The following LINGO2 variants were observed in gnomAD, a reference collection of about 807,000 sequenced individuals.
LINGO2 encodes leucine-rich repeat and immunoglobulin-like domain-containing nogo receptor-interacting protein 2.
In LINGO2, 14 loss-of-function variants were observed where a neutral mutation model predicts 30.6. That is an observed-to-expected ratio of 0.46 (90% CI 0.30 to 0.72). The LOEUF (loss-of-function observed/expected upper bound fraction) is 0.72, where lower values mean the gene tolerates loss of function less well. Among genes scored for constraint, LINGO2 ranks in the 30% least tolerant of loss-of-function variants. The pLI, the probability that LINGO2 is intolerant of heterozygous loss-of-function variation, is 0.07. For synonymous variants in LINGO2, 317 were observed against 288.5 expected (o/e 1.10, Z -1.00); for missense variants, 729 against 751.7 (o/e 0.97, Z 0.35).
chr9:27,945,283 A>G (rs1823321712), downstream of LINGO2, among the ~76,000 whole-genome samples: 1 of 152,170 alleles, frequency 6.6e-6, no homozygotes, highest in Admixed American at 6.6e-5. Context: ...GAGTAAAGTG[A>G]CAAAAGTCAG....
chr9:28,055,276 G>A (rs1824872648), intron 4 of LINGO2, among the ~76,000 whole-genome samples: 1 of 152,092 alleles, frequency 6.6e-6, no homozygotes, highest in Non-Finnish European at 1.5e-5. Flanking sequence ...TTTCCCTGTA[G>A]TTGCTTATAA....
chr9:28,324,950 G>A (rs534917915), intron 3 of LINGO2, among the ~76,000 whole-genome samples: 3 of 152,054 alleles, frequency 2.0e-5, no homozygotes, highest in Admixed American at 2.0e-4. Flanking sequence ...CCCCTTTCCA[G>A]TAACATAGTC....
chr9:28,338,059 A>T (rs772666615), intron 3 of LINGO2, among the ~76,000 whole-genome samples: 4 of 152,148 alleles, frequency 2.6e-5, no homozygotes, highest in Non-Finnish European at 4.4e-5. Flanking sequence ...ACAGAAACTC[A>T]ATGCCAGCCT....
chr9:28,282,137 T>C (rs1823349828), intron 4 of LINGO2, among the ~76,000 whole-genome samples: 1 of 152,134 alleles, frequency 6.6e-6, no homozygotes, highest in African/African-American at 2.4e-5. Flanking sequence ...TAAATGCAAT[T>C]ACGTTCTGAT....
chr9:27,952,193 T>G (rs1321768779), intron 5 of LINGO2, among the ~76,000 whole-genome samples: 3 of 152,054 alleles, frequency 2.0e-5, no homozygotes, highest in Non-Finnish European at 4.4e-5. Flanking sequence ...AAAATTTTCT[T>G]GTCTACACAA....
chr9:28,014,598 G>C (rs532936086), intron 4 of LINGO2, among the ~76,000 whole-genome samples: 1 of 152,220 alleles, frequency 6.6e-6, no homozygotes, highest in Admixed American at 6.5e-5. Context: ...TTAGTTCATA[G>C]TAACATTTTA....
the LINGO2 span, among the ~76,000 whole-genome samples, chr9:28,770,827 T>C: frequency 6.6e-6 from 1 of 152,160 alleles, no homozygotes; most frequent in African/African-American, 2.4e-5. Flanking sequence ...AAAAAATTGG[T>C]AGATGTTCCA....
chr9:28,554,397 A>G (rs1013025349), intron 1 of LINGO2, among the ~76,000 whole-genome samples: 85 of 142,366 alleles, frequency 6.0e-4, no homozygotes, highest in African/African-American at 2.3e-3. Flanking sequence ...CAAAAGAGAC[A>G]AAGAAGGCCA....
At position 28,390,923 on chromosome 9, in the gene LINGO2, G is replaced by GA. The variant is rs531917862; in HGVS notation, c.-278-18056dup. Among the ~76,000 whole-genome samples the GA allele has an allele frequency of 7.3e-5, 11 of 150,478 alleles. No individual in the cohort carries two copies. In the East Asian group the frequency reaches 9.8e-4, roughly 13 times the overall value. Reference sequence around the variant, plus strand: ...ATTCTTCTATCTTAGTAGCATTAGTGAAAAAAAAAGTCTGATATACTTGAC... The same window carrying GA: ...ATTCTTCTATCTTAGTAGCATTAGTGAAAAAAAAAAGTCTGATATACTTGAC... On this transcript the variant is annotated intron_variant, in intron 2 of 5. Coordinates refer to ENST00000379992, the Ensembl canonical transcript of LINGO2.
chr9:28,251,942 G>A (rs2134012721), intron 4 of LINGO2, among the ~76,000 whole-genome samples: 1 of 152,200 alleles, frequency 6.6e-6, no homozygotes, highest in East Asian at 1.9e-4. Context: ...TGGGCCAAGG[G>A]TTAGGAGATC....
Position 28,555,705 on chromosome 9 carries a change from T to G in LINGO2, c.-364-79680A>C, listed in dbSNP as rs1445266510. Among the ~76,000 whole-genome samples the G allele has an allele frequency of 2.0e-5, 3 of 152,010 alleles. No homozygotes were observed. In the East Asian group the frequency reaches 5.8e-4, roughly 30 times the overall value. ...CCGAGACACAACCAAAAAAGCGAAT[T>G]TTAGACCAATATCCTTGATGAACAT... On this transcript the variant is annotated intron_variant, in intron 1 of 5. Transcript: ENST00000379992.
At chr9:28,236,552 A>T (rs529107328) in intron 4 of LINGO2, among the ~76,000 whole-genome samples, 9 of 152,194 alleles carry the variant, frequency 5.9e-5, no homozygotes, top group Non-Finnish European at 1.2e-4. Flanking sequence ...TTCAGCCATA[A>T]AAAAGAATGA....
Position 28,034,414 on chromosome 9 carries a change from C to A in LINGO2, c.-86-22009G>T, listed in dbSNP as rs573884421. On this transcript the variant is annotated intron_variant, in intron 4 of 5. Transcript: ENST00000379992. The stretch of plus-strand genomic sequence containing the variant: ...TAGGGAGCATTTTCTGACAGTTTTC[C>A]AAAATGTGTATATTCCAGGCAGTTA... 2.0e-5 allele frequency among the ~76,000 whole-genome samples: 3 copies of A among 152,200 alleles called. 1 individual carries two copies. In the South Asian group the frequency reaches 6.2e-4, roughly 32 times the overall value.
chr9:29,012,052 A>G, the LINGO2 span, among the ~76,000 whole-genome samples: 1 of 152,162 alleles, frequency 6.6e-6, no homozygotes, highest in Non-Finnish European at 1.5e-5. Context: ...TTTAATAATC[A>G]AAACAACTTT....
At chr9:29,181,988 C>A in the LINGO2 span, among the ~76,000 whole-genome samples, 1 of 152,190 alleles carries the variant, frequency 6.6e-6, no homozygotes, top group African/African-American at 2.4e-5. Flanking sequence ...GAATAACACC[C>A]CCTGGAGCTG....
At chr9:28,729,324 A>T in the LINGO2 span, among the ~76,000 whole-genome samples, 2 of 152,316 alleles carry the variant, frequency 1.3e-5, no homozygotes, top group East Asian at 3.9e-4. Context: ...TCAGAACCTA[A>T]GTTTTTGTAA....
chr9:28,805,231 G>A, the LINGO2 span, among the ~76,000 whole-genome samples: 1 of 152,128 alleles, frequency 6.6e-6, no homozygotes, highest in African/African-American at 2.4e-5. Context: ...ATCATCAGCT[G>A]CTGCACACAT....
intron 1 of LINGO2, among the ~76,000 whole-genome samples, chr9:28,564,723 A>C (rs1356153633): frequency 6.6e-6 from 1 of 152,078 alleles, no homozygotes; most frequent in Non-Finnish European, 1.5e-5. Context: ...TGCACCAATA[A>C]ACCTGCACTG....
At chr9:29,195,142 T>C in the LINGO2 span, among the ~76,000 whole-genome samples, 9 of 152,070 alleles carry the variant, frequency 5.9e-5, no homozygotes, top group South Asian at 6.2e-4. Flanking sequence ...ACTTTTGAGA[T>C]TGGCTGTTTT....
Sources: allele counts gnomAD v4.1 joint callset (sites outside exome capture counted in the v4.1 genomes callset), GRCh38; gene constraint gnomAD v4.1.1; transcripts MANE v1.5; gene names NCBI Gene and HGNC (gene_info 2026-07-23, HGNC 2026-07-21).